MAP3K12: variants seen among roughly 807,000 people sequenced by gnomAD.
MAP3K12 encodes MAPK-upstream kinase.
In MAP3K12, 14 loss-of-function variants were observed where a neutral mutation model predicts 87.5. The observed-to-expected ratio is 0.16, with a 90% CI of 0.11 to 0.25. The LOEUF (loss-of-function observed/expected upper bound fraction) is 0.25. Ranked by LOEUF, MAP3K12 falls within the 10% of genes least tolerant of loss-of-function variation. The probability of loss-of-function intolerance (pLI) is 1.00; values close to 1 mark genes in which losing one functional copy is unlikely to be tolerated. For missense variants in MAP3K12, 802 were observed against 1,140.4 expected, an observed-to-expected ratio of 0.70 and a Z score of 4.27; for synonymous variants, 469 against 452.5, an observed-to-expected ratio of 1.04 and a Z score of -0.46.
intron 1 of MAP3K12, among the ~76,000 whole-genome samples, chr12:53,491,594 C>T (rs886144330): frequency 2.0e-5 from 3 of 151,282 alleles, no homozygotes; most frequent in Admixed American, 6.6e-5. Flanking sequence ...CCACGACGCC[C>T]GGCTAATTTT....
Position 53,486,611 on chromosome 12 carries a change from C to A in MAP3K12, c.457G>T (p.Val153Phe), listed in dbSNP as rs1308538670. The A allele has an allele frequency of 1.3e-6, 2 of 1,599,748 alleles. No homozygotes were observed. Among genetic ancestry groups the A allele is most frequent in the Non-Finnish European group, 1.7e-6 (2 of 1,172,956 alleles). Residue 153 changes from valine (V) to phenylalanine (F), a missense_variant, in exon 3 of 14, where the codon GTC becomes TTC. Val to Phe is a conservative substitution (Grantham distance 50). This residue lies in a region of MAP3K12 where 57 missense variants were observed against 161.8 expected (regional missense o/e 0.35). Transcript: ENST00000547488. The surrounding 1 kb of genome is among the most constrained non-coding windows in gnomAD (Gnocchi z 4.9). ...HKQQQEDLWE[V>F]PFEEILDLQW... ...AGGTCCAGGATTTCCTCAAAGGGGA[C>A]CTCCCAAAGGTCTGTGGGCAGGAGG...
In MAP3K12 at chr12:53,484,027, G is replaced by A; in HGVS notation, c.1249-7C>T. On this transcript the variant is annotated splice_region_variant and splice_polypyrimidine_tract_variant and intron_variant, in intron 7 of 13. Transcript: ENST00000547488. ...CTTCTTCCCGCCACTCTGCCTATGG[G>A]TTGAGAGCAGATGAAGAGTGAGAGC... 1.9e-6 allele frequency: 3 copies of A among 1,613,048 alleles called. No individual in the cohort carries two copies. Among genetic ancestry groups the A allele is most frequent in the Non-Finnish European group, 2.5e-6 (3 of 1,179,042 alleles).
upstream of MAP3K12, chr12:53,501,028 G>A: frequency 8.0e-6 from 2 of 250,594 alleles, no homozygotes; most frequent in South Asian, 5.0e-5. Flanking sequence ...TCCCTACCCA[G>A]CGGCTTCCCC....
Position 53,487,331 on chromosome 12 carries a change from G to C in MAP3K12, c.61C>G (p.Leu21Val), listed in dbSNP as rs749903211. 4 of 1,613,914 alleles carry C rather than the reference G, an allele frequency of 2.5e-6. No individual in the cohort carries two copies. Among genetic ancestry groups the C allele is most frequent in the African/African-American group, 1.3e-5 (1 of 74,892 alleles). Residue 21 changes from leucine (L) to valine (V), a missense_variant, in exon 2 of 14, where the codon CTA becomes GTA. Physicochemically the swap from Leu to Val is conservative, Grantham distance 32. Transcript: ENST00000547488. ...AGCTTGCGCATGGATGCCTCACTTA[G>C]GGTAGACACAAAGCCCCCAAAGGAA... Reference protein sequence around the residue: ...SPSFGGFVSTLSEASMRKLDP... With the variant: ...SPSFGGFVSTVSEASMRKLDP...
chr12:53,484,864 G>A, intron 6 of MAP3K12, 192 bp downstream of exon 6: 1 of 657,102 alleles, frequency 1.5e-6, no homozygotes, highest in Non-Finnish European at 2.6e-6. Context: ...TTTTATAGAT[G>A]AGGAAACAGG....
chr12:53,492,065 ACT>A (rs1171124337), intron 1 of MAP3K12, among the ~76,000 whole-genome samples: 8 of 143,758 alleles, frequency 5.6e-5, no homozygotes, highest in East Asian at 4.1e-4. Context: ...ACAGAGCAAG[ACT>A]CTGTTTCAAA....
chr12:53,486,699 G>T lies in MAP3K12; in HGVS notation c.446-77C>A, dbSNP rs1298898378. 1.8e-5 allele frequency: 26 copies of T among 1,471,140 alleles called. No individual in the cohort carries two copies. Among genetic ancestry groups the T allele is most frequent in the Non-Finnish European group, 2.3e-5 (26 of 1,116,080 alleles). The allele number at this position is 1,471,140 out of a possible 1,614,324, so 91.1% of individuals were successfully genotyped here. A position where few individuals can be genotyped will look rare whatever the true frequency, so the allele number is the denominator to read the frequency against. Reference sequence around the variant, plus strand: ...GCCAGGGACAGGATAGCATTGGGTTGGCTGAATTGACTTAAGGAGGGTGAG... The same window carrying T: ...GCCAGGGACAGGATAGCATTGGGTTTGCTGAATTGACTTAAGGAGGGTGAG... On this transcript the variant is annotated intron_variant, in intron 2 of 13. Transcript: ENST00000547488. The surrounding 1 kb of genome is among the most constrained non-coding windows in gnomAD (Gnocchi z 4.9).
At chr12:53,487,927 C>T (rs1370257310) in intron 1 of MAP3K12, 1 of 157,170 alleles carries the variant, frequency 6.4e-6, no homozygotes, top group Non-Finnish European at 1.4e-5. Context: ...TTGAAGCACA[C>T]ACAGGATGCT....
At chr12:53,485,555 T>G (rs1943205393) in intron 4 of MAP3K12, 80 bp from the exon 5 acceptor site, 1 of 1,492,414 alleles carries the variant, frequency 6.7e-7, no homozygotes, top group Non-Finnish European at 9.1e-7. Flanking sequence ...GCCTTTCAGG[T>G]TTTTTTGTTT....
Position 53,485,106 on chromosome 12 carries a change from G to A in MAP3K12, c.1089C>T (p.Pro363=), listed in dbSNP as rs751341916. Residue 363 remains proline, a synonymous_variant, in exon 6 of 14, where the codon CCC becomes CCT. Coordinates refer to ENST00000547488, the MANE Select transcript of MAP3K12 (RefSeq NM_001193511.2). ...AACCATCTGGGCAACTGGAGGGCAC[G>A]GGCAGATGGAGACTGTTGCTTCCCA... The part of the protein sequence containing the change: ...WGVGSNSLHL[P]VPSSCPDGFK... 2.2e-5 allele frequency: 35 copies of A among 1,614,146 alleles called. No individual in the cohort carries two copies. The highest frequency in any genetic ancestry group is 3.3e-5 in the Admixed American group (2 of 60,020).
At position 53,483,627 on chromosome 12, in the gene MAP3K12, G is replaced by C; in HGVS notation, c.1455C>G (p.Leu485=). 6.2e-7 allele frequency: 1 copy of C among 1,614,122 alleles called. No homozygotes were observed. Among genetic ancestry groups the C allele is most frequent in the Non-Finnish European group, 8.5e-7 (1 of 1,180,028 alleles). Reference sequence around the variant, plus strand: ...GTTACCTGAGCAGCTCCCTCTCCTTGAGTTCCAGCTGCAACATGAGGGCAT... The same window carrying C: ...GTTACCTGAGCAGCTCCCTCTCCTTCAGTTCCAGCTGCAACATGAGGGCAT... ...ELNALMLQLE[L]KERELLRREQ... The change falls in exon 9 of 14, where the codon CTC becomes CTG. Residue 485 remains leucine, a synonymous_variant. Transcript: ENST00000547488.
Position 53,486,978 on chromosome 12 carries a change from G to C in MAP3K12, c.414C>G (p.Ala138=). 1 of 1,614,128 alleles carries C rather than the reference G, an allele frequency of 6.2e-7. No homozygotes were observed. Among genetic ancestry groups the C allele is most frequent in the Non-Finnish European group, 8.5e-7 (1 of 1,179,994 alleles). The change falls in exon 2 of 14, where the codon GCC becomes GCG. Residue 138 remains alanine (A), a synonymous_variant. Coordinates refer to ENST00000547488, the MANE Select transcript of MAP3K12 (RefSeq NM_001193511.2). This position sits in a 1 kb window ranked among gnomAD's most constrained non-coding sequence, Gnocchi z 4.9. The part of the protein sequence containing the change: ...LRPVWTMIGK[A]YSTEHKQQQE... The stretch of plus-strand genomic sequence containing the variant: ...GCTGCTGCTTGTGCTCAGTGGAGTA[G>C]GCTTTGCCAATCATGGTCCAGACAG...
chr12:53,486,818 A>T lies in MAP3K12; in HGVS notation c.445+129T>A. On this transcript the variant is annotated intron_variant, in intron 2 of 13. Transcript: ENST00000547488. This position sits in a 1 kb window ranked among gnomAD's most constrained non-coding sequence, Gnocchi z 4.9. The stretch of plus-strand genomic sequence containing the variant: ...AAAGAAGCTGGGAAGTTAGAGGCTG[A>T]TGGATGGCTAAGGGACTAGGGCTGG... The T allele has an allele frequency of 6.6e-7, 1 of 1,512,736 alleles. No individual in the cohort carries two copies. Among genetic ancestry groups the T allele is most frequent in the Non-Finnish European group, 8.8e-7 (1 of 1,133,846 alleles). The allele number at this position is 1,512,736 out of a possible 1,614,324, so 93.7% of individuals were successfully genotyped here. A position where few individuals can be genotyped will look rare whatever the true frequency, so the allele number is the denominator to read the frequency against.
At chr12:53,490,847 G>A (rs993258127) in intron 1 of MAP3K12, among the ~76,000 whole-genome samples, 1 of 152,070 alleles carries the variant, frequency 6.6e-6, no homozygotes, top group African/African-American at 2.4e-5. Context: ...GGAGGGTGAA[G>A]CTGCAGTGAG....
chr12:53,485,500 G>C, intron 4 of MAP3K12, 25 bp from the exon 5 acceptor site: 1 of 1,608,056 alleles, frequency 6.2e-7, no homozygotes, highest in Non-Finnish European at 8.5e-7. Flanking sequence ...AGTCAGCTGG[G>C]GTCCACACCC....
intron 1 of MAP3K12, among the ~76,000 whole-genome samples, chr12:53,492,531 G>T (rs1943442389): frequency 6.6e-6 from 1 of 152,030 alleles, no homozygotes; most frequent in Non-Finnish European, 1.5e-5. Context: ...AGGTACTACT[G>T]GTCCCATTAT....
In MAP3K12 at chr12:53,482,487, T is replaced by C. The variant is rs919132344; in HGVS notation, c.2238+78A>G. The C allele has an allele frequency of 6.2e-6, 10 of 1,605,210 alleles. No homozygotes were observed. In the Admixed American group the frequency reaches 1.2e-4, roughly 19 times the overall value. On this transcript the variant is annotated intron_variant, in intron 11 of 13. Coordinates refer to ENST00000547488, the MANE Select transcript of MAP3K12 (RefSeq NM_001193511.2). The stretch of plus-strand genomic sequence containing the variant: ...GTAGGGAATGGCTTAAAATTGAGCA[T>C]AATGTGGGGGATTAGACTTGGACCC...
upstream of MAP3K12, chr12:53,501,523 C>T (rs1243602148): frequency 1.9e-6 from 3 of 1,548,170 alleles, no homozygotes; most frequent in African/African-American, 1.4e-5. Context: ...GAGGGAGTAG[C>T]GGCGCGGCCC....
At chr12:53,495,634 C>A (rs576133568) in intron 1 of MAP3K12, among the ~76,000 whole-genome samples, 1 of 151,942 alleles carries the variant, frequency 6.6e-6, no homozygotes, top group Non-Finnish European at 1.5e-5. Flanking sequence ...AAATGATCCA[C>A]CAGTCTAGGT....
Sources: allele counts gnomAD v4.1 joint callset (sites outside exome capture counted in the v4.1 genomes callset), GRCh38; gene constraint gnomAD v4.1.1; regional missense constraint gnomAD v4.1.1; non-coding constraint Gnocchi (gnomAD v3.1); transcripts MANE v1.5; gene names NCBI Gene and HGNC (gene_info 2026-07-23, HGNC 2026-07-21).